Variants in PKIG observed in about 807,000 individuals in gnomAD.
The protein encoded by PKIG is protein kinase (cAMP-dependent, catalytic) inhibitor gamma.
PKIG carries 1 observed loss-of-function variant against 6.8 expected under a neutral mutation model. The ratio of observed to expected loss-of-function variants is 0.15; its 90% CI spans 0.05 to 0.69. The LOEUF is 0.69. Ranked by LOEUF, PKIG falls within the 30% of genes least tolerant of loss-of-function variation. PKIG has a pLI of 0.82. For missense variants in PKIG, 77 were observed against 104.0 expected (o/e 0.74, Z 1.13); for synonymous variants, 39 against 43.0 (o/e 0.91, Z 0.36).
At chr20:44,554,315 C>T (rs2064694914) in intron 1 of PKIG, among the ~76,000 whole-genome samples, 2 of 152,054 alleles carry the variant, frequency 1.3e-5, no homozygotes, top group Admixed American at 1.3e-4. Context: ...ACTCCGGCCT[C>T]AAGTGATTCA....
At chr20:44,578,422 T>C (rs919129275), upstream of PKIG, among the ~76,000 whole-genome samples, 1 of 151,960 alleles carries the variant, frequency 6.6e-6, no homozygotes, top group Non-Finnish European at 1.5e-5. Flanking sequence ...TGTTTCACCA[T>C]GTTGGCCAGG....
At chr20:44,605,406 CA>C (rs34277645) in intron 2 of PKIG, among the ~76,000 whole-genome samples, 1,004 of 37,308 alleles carry the variant, frequency 0.027, 4 homozygotes, top group African/African-American at 0.085. Flanking sequence ...GACTCCGTCT[CA>C]AAAAAAAAAA....
intron 2 of PKIG, among the ~76,000 whole-genome samples, chr20:44,597,967 A>G (rs140269184): frequency 2.0e-3 from 301 of 152,306 alleles, no homozygotes; most frequent in African/African-American, 6.7e-3. Flanking sequence ...AACAACAGCA[A>G]TAGTTTCTTA....
rs200385715 is a variant in PKIG at position 44,571,939 on chromosome 20, CATCGT to C, written c.-240-10644_-240-10640del. ...TGGATCTGTTCTGAAAGCCTTTAAT[CATCGT>C]AGAAACGTTCTCTTTGTAGGGCTTG... On this transcript the variant is annotated intron_variant, in intron 1 of 4. Coordinates refer to the PKIG transcript ENST00000372887. Among the ~76,000 whole-genome samples the C allele has an allele frequency of 9.2e-3, 1,402 of 152,360 alleles. 19 individuals are homozygous for C. Among genetic ancestry groups the C allele is most frequent in the African/African-American group, 0.032 (1,331 of 41,582 alleles).
rs1275322257 is a variant in PKIG, at chr20:44,614,875, G to GA, written c.151+169dup. The stretch of plus-strand genomic sequence containing the variant: ...GAGTCCAGCAATCTCTAGGTTGGAA[G>GA]ATGTTTGAGTCTCAGGCCCCAAGGA... On this transcript the variant is annotated intron_variant, in intron 3 of 3. Transcript: ENST00000372886. This position sits in a 1 kb window ranked among gnomAD's most constrained non-coding sequence, Gnocchi z 4.6. 1.5e-6 allele frequency: 1 copy of GA among 684,576 alleles called. No individual in the cohort carries two copies. Among genetic ancestry groups the GA allele is most frequent in the African/African-American group, 1.8e-5 (1 of 55,326 alleles). The allele number at this position is 684,576 out of a possible 1,614,324, so 42.4% of individuals were successfully genotyped here.
chr20:44,547,435 G>A (rs1251431955), intron 1 of PKIG, among the ~76,000 whole-genome samples: 2 of 152,164 alleles, frequency 1.3e-5, no homozygotes, highest in Non-Finnish European at 2.9e-5. Context: ...GATTTTGTGG[G>A]GAGAGAAGCA....
intron 2 of PKIG, among the ~76,000 whole-genome samples, chr20:44,610,623 G>A (rs917088223): frequency 3.3e-5 from 5 of 151,820 alleles, no homozygotes; most frequent in African/African-American, 1.2e-4. Flanking sequence ...CAATAATTTG[G>A]GTTTATAAAA....
intron 3 of PKIG, among the ~76,000 whole-genome samples, chr20:44,615,868 C>T (rs1471282501): frequency 6.6e-6 from 1 of 152,290 alleles, no homozygotes; most frequent in East Asian, 1.9e-4. Context: ...GGAGGACTTG[C>T]TCTGGGCCAC....
chr20:44,601,020 A>C (rs2065117343), intron 2 of PKIG, among the ~76,000 whole-genome samples: 1 of 152,146 alleles, frequency 6.6e-6, no homozygotes, highest in Non-Finnish European at 1.5e-5. Flanking sequence ...TGGCGTCCTA[A>C]CACAAAGGTC....
intron 1 of PKIG, among the ~76,000 whole-genome samples, chr20:44,547,120 G>A (rs1176174403): frequency 6.6e-6 from 1 of 152,118 alleles, no homozygotes; most frequent in East Asian, 1.9e-4. Flanking sequence ...TTATGTTCAT[G>A]GAATGAGAGA....
chr20:44,547,903 A>G (rs1325294143), intron 1 of PKIG, among the ~76,000 whole-genome samples: 1 of 152,088 alleles, frequency 6.6e-6, no homozygotes, highest in Non-Finnish European at 1.5e-5. Context: ...TAGGCTGGGC[A>G]TGGTGGCTCA....
intron 1 of PKIG, among the ~76,000 whole-genome samples, chr20:44,566,939 G>A (rs2064815484): frequency 6.6e-6 from 1 of 152,152 alleles, no homozygotes; most frequent in African/African-American, 2.4e-5. Context: ...TACATGAATA[G>A]GCATGTTCCA....
intron 1 of PKIG, among the ~76,000 whole-genome samples, chr20:44,533,871 G>A (rs1379547996): frequency 6.6e-6 from 1 of 152,202 alleles, no homozygotes; most frequent in African/African-American, 2.4e-5. Flanking sequence ...GAGATGTCGA[G>A]TAATACAAGT....
chr20:44,607,173 A>C (rs184920674), intron 2 of PKIG, among the ~76,000 whole-genome samples: 49 of 152,238 alleles, frequency 3.2e-4, no homozygotes, highest in African/African-American at 1.1e-3. Context: ...GGAAGTAATT[A>C]AATCAATCTA....
chr20:44,550,135 G>A (rs2123189626), intron 1 of PKIG, among the ~76,000 whole-genome samples: 1 of 148,384 alleles, frequency 6.7e-6, no homozygotes, highest in South Asian at 2.2e-4. Flanking sequence ...TCTAGTATGT[G>A]CTTACCATTG....
chr20:44,572,988 G>A (rs1228154762), intron 1 of PKIG, among the ~76,000 whole-genome samples: 1 of 152,186 alleles, frequency 6.6e-6, no homozygotes, highest in East Asian at 1.9e-4. Context: ...AAAAAGCCCT[G>A]GGGCCCCATG....
At chr20:44,541,123 G>T (rs1053720794) in intron 1 of PKIG, among the ~76,000 whole-genome samples, 1 of 152,202 alleles carries the variant, frequency 6.6e-6, no homozygotes, top group Admixed American at 6.5e-5. Context: ...AGCAAGAGTA[G>T]CCCTCATTTT....
chr20:44,602,508 A>G (rs2065129910), intron 2 of PKIG, among the ~76,000 whole-genome samples: 1 of 152,178 alleles, frequency 6.6e-6, no homozygotes, highest in Non-Finnish European at 1.5e-5. Context: ...GTTGCTCAGT[A>G]CATTGAATGA....
intron 2 of PKIG, among the ~76,000 whole-genome samples, chr20:44,611,200 G>A (rs1458941408): frequency 1.3e-5 from 2 of 151,876 alleles, no homozygotes; most frequent in African/African-American, 2.4e-5. Flanking sequence ...GACTACAGGC[G>A]TGTGCTACCA....
Sources: allele counts gnomAD v4.1 joint callset (sites outside exome capture counted in the v4.1 genomes callset), GRCh38; gene constraint gnomAD v4.1.1; non-coding constraint Gnocchi (gnomAD v3.1); transcripts MANE v1.5; gene names NCBI Gene and HGNC (gene_info 2026-07-23, HGNC 2026-07-21).